Variants in PXT1 observed in about 807,000 individuals in gnomAD.
PXT1 encodes peroxisomal testis enriched protein 1, also known as peroxisomal testis-specific protein 1.
Under a neutral mutation model 11.0 loss-of-function variants are expected in PXT1, and 11 were observed. The ratio of observed to expected loss-of-function variants is 1.00; its 90% CI spans 0.63 to 1.66. The LOEUF (loss-of-function observed/expected upper bound fraction) is 1.66, where lower values mean the gene tolerates loss of function less well. Ranked by LOEUF, PXT1 falls within the 40% of genes most tolerant of loss-of-function variation. PXT1 has a pLI of 0.00. For synonymous variants in PXT1, 43 were observed against 51.4 expected (o/e 0.84, Z 0.70); for missense variants, 141 against 155.5 (o/e 0.91, Z 0.49).
intron 3 of PXT1, among the ~76,000 whole-genome samples, chr6:36,403,963 T>C (rs535853547): frequency 1.6e-4 from 25 of 152,290 alleles, no homozygotes; most frequent in African/African-American, 5.5e-4. Flanking sequence ...AAGATAAAGA[T>C]TTAAGAGTCA....
Position 36,400,516 on chromosome 6 carries a change from G to A in PXT1, c.238C>T (p.His80Tyr). Residue 80 changes from histidine to tyrosine, a missense_variant, in exon 4 of 5, where the codon CAC becomes TAC. Transcript: ENST00000454782. ...VQKHHQEEII[H>Y]KLAMQLRHIG... Reference sequence around the variant, plus strand: ...TGTCTCAGCTGCATGGCCAACTTGTGAATTATTTCCTCCTGGTGATGCTTC... The same window carrying A: ...TGTCTCAGCTGCATGGCCAACTTGTAAATTATTTCCTCCTGGTGATGCTTC... 6.2e-7 allele frequency: 1 copy of A among 1,613,970 alleles called. No individual in the cohort carries two copies. The highest frequency in any genetic ancestry group is 2.2e-5 in the East Asian group (1 of 44,888).
chr6:36,396,731 C>T (rs990402491), intron 4 of PXT1, among the ~76,000 whole-genome samples: 2 of 152,214 alleles, frequency 1.3e-5, no homozygotes, highest in African/African-American at 4.8e-5. Context: ...AAGCCTTGGG[C>T]TCAGCCAGAG....
chr6:36,416,035 C>T (rs898759950), intron 3 of PXT1, among the ~76,000 whole-genome samples: 11 of 151,816 alleles, frequency 7.2e-5, no homozygotes, highest in Admixed American at 2.0e-4. Flanking sequence ...TTAGTCACTA[C>T]CAGAAATAAA....
At chr6:36,416,427 C>A (rs1774448245) in intron 3 of PXT1, among the ~76,000 whole-genome samples, 1 of 152,124 alleles carries the variant, frequency 6.6e-6, no homozygotes, top group African/African-American at 2.4e-5. Flanking sequence ...CTCCCCAAAA[C>A]AGAGAAGAGA....
At chr6:36,400,721 C>G in intron 3 of PXT1, 137 bp from the exon 4 acceptor site, 1 of 899,544 alleles carries the variant, frequency 1.1e-6, no homozygotes, top group Non-Finnish European at 1.6e-6. Flanking sequence ...GTAATCCCAG[C>G]ACTTTAGGAG....
chr6:36,440,346 G>A (rs1424226105), intron 1 of PXT1, among the ~76,000 whole-genome samples: 10 of 152,176 alleles, frequency 6.6e-5, no homozygotes, highest in African/African-American at 2.4e-4. Context: ...CGAGGCGGGT[G>A]GATCACGAGG....
intron 3 of PXT1, among the ~76,000 whole-genome samples, chr6:36,402,628 G>A (rs1196365692): frequency 6.6e-6 from 1 of 152,224 alleles, no homozygotes; most frequent in Non-Finnish European, 1.5e-5. Flanking sequence ...CTGGGGAAGA[G>A]CCAGCTGAGA....
chr6:36,416,376 G>GA (rs1388300101), intron 3 of PXT1, among the ~76,000 whole-genome samples: 4 of 151,772 alleles, frequency 2.6e-5, no homozygotes, highest in African/African-American at 7.3e-5. Context: ...AACAGAAATG[G>GA]AAAAAAGAAA....
In PXT1 at chr6:36,440,293, G is replaced by A. The variant is rs142574589; in HGVS notation, c.-129-1407C>T. On this transcript the variant is annotated intron_variant, in intron 1 of 4. Coordinates refer to ENST00000454782, the MANE Select transcript of PXT1 (RefSeq NM_152990.4). ...TTATTCTTAAGAGTCAACCTTGACC[G>A]GGCGTGGTGGCTTGCGCCTGTAATC... 6.6e-3 allele frequency among the ~76,000 whole-genome samples: 998 copies of A among 152,230 alleles called. 12 individuals carry two copies. The highest frequency in any genetic ancestry group is 0.023 in the African/African-American group (951 of 41,510).
At chr6:36,424,673 ATTCAAAAT>A (rs894154339) in intron 3 of PXT1, among the ~76,000 whole-genome samples, 4 of 150,928 alleles carry the variant, frequency 2.7e-5, no homozygotes, top group African/African-American at 9.8e-5. Context: ...ACAGATGAAG[ATTCAAAAT>A]TTCAGTCAAT....
intron 2 of PXT1, among the ~76,000 whole-genome samples, chr6:36,429,763 C>T (rs1046936720): frequency 6.6e-6 from 1 of 151,378 alleles, no homozygotes; most frequent in African/African-American, 2.4e-5. Flanking sequence ...CCTCGGCCTC[C>T]CAAAGGGCTG....
At chr6:36,438,525 G>T (rs928632370) in intron 2 of PXT1, among the ~76,000 whole-genome samples, 1 of 152,112 alleles carries the variant, frequency 6.6e-6, no homozygotes, top group Non-Finnish European at 1.5e-5. Flanking sequence ...CTGGGTTCAC[G>T]CCATTCTCCC....
At chr6:36,409,592 G>A (rs2127412801) in intron 3 of PXT1, among the ~76,000 whole-genome samples, 2 of 152,210 alleles carry the variant, frequency 1.3e-5, no homozygotes, top group African/African-American at 4.8e-5. Flanking sequence ...TTGGGAAGCT[G>A]AGGTGGGAGG....
intron 3 of PXT1, among the ~76,000 whole-genome samples, chr6:36,404,167 A>C (rs949362093): frequency 1.3e-5 from 2 of 152,240 alleles, no homozygotes; most frequent in African/African-American, 4.8e-5. Context: ...CAGGAAAGGC[A>C]TATTTCAAGT....
intron 3 of PXT1, among the ~76,000 whole-genome samples, chr6:36,415,171 G>A (rs1406948745): frequency 2.0e-5 from 3 of 152,084 alleles, no homozygotes; most frequent in Non-Finnish European, 4.4e-5. Context: ...GGCCAGGCGC[G>A]GGGGCTCATG....
intron 3 of PXT1, among the ~76,000 whole-genome samples, chr6:36,403,432 GA>G (rs959023162): frequency 2.0e-5 from 3 of 152,156 alleles, no homozygotes; most frequent in Non-Finnish European, 2.9e-5. Flanking sequence ...AGACAGGGAG[GA>G]AAAAAACTCC....
chr6:36,433,825 GAA>G, intron 2 of PXT1, among the ~76,000 whole-genome samples: 1 of 12,346 alleles, frequency 8.1e-5, no homozygotes, highest in South Asian at 3.4e-3. Context: ...TCTGTCTCAG[GAA>G]AAAAAAAAAA....
At chr6:36,435,908 A>T (rs1408862636) in intron 2 of PXT1, among the ~76,000 whole-genome samples, 1 of 152,118 alleles carries the variant, frequency 6.6e-6, no homozygotes, top group African/African-American at 2.4e-5. Flanking sequence ...TCAAAAAATT[A>T]ACCTCCCTTG....
intron 3 of PXT1, among the ~76,000 whole-genome samples, chr6:36,423,656 G>T (rs971038883): frequency 2.6e-5 from 4 of 152,048 alleles, no homozygotes; most frequent in African/African-American, 9.7e-5. Flanking sequence ...CCCTCACACC[G>T]CCCCCTCATT....
Sources: gnomAD v4.1 joint callset for allele counts (sites outside exome capture counted in the v4.1 genomes callset) on GRCh38, gnomAD v4.1.1 for gene constraint, MANE v1.5 for transcripts, NCBI Gene and HGNC (gene_info 2026-07-23, HGNC 2026-07-21) for gene names.